The following COL6A5 variants were observed in gnomAD, a reference collection of about 807,000 sequenced individuals.
COL6A5 encodes collagen type VI alpha 5 chain, also known as collagen alpha-5(VI) chain.
In COL6A5, 48 loss-of-function variants were observed where a neutral mutation model predicts 65.6. That is an observed-to-expected ratio of 0.73 (90% CI 0.58 to 0.93). The LOEUF is 0.93. COL6A5 is among the 40% of genes least tolerant of loss of function. COL6A5 has a pLI of 0.00. For missense variants in COL6A5, 914 were observed against 928.3 expected, an observed-to-expected ratio of 0.98 and a Z score of 0.20; for synonymous variants, 291 against 322.8, an observed-to-expected ratio of 0.90 and a Z score of 1.05.
rs142870862 is a variant in COL6A5 at position 130,414,462 on chromosome 3, G to A, written c.4761+331G>A. Reference sequence around the variant, plus strand: ...ATTGGTTTTCCATAGCTGGGGTCCTGCATACACAGGCTCCCACAAAGGAAA... The same window carrying A: ...ATTGGTTTTCCATAGCTGGGGTCCTACATACACAGGCTCCCACAAAGGAAA... On this transcript the variant is annotated intron_variant and NMD_transcript_variant, in intron 22 of 41. Transcript: ENST00000312481. 2.7e-3 allele frequency among the ~76,000 whole-genome samples: 404 copies of A among 152,164 alleles called. 8 individuals are homozygous for A. Among genetic ancestry groups the A allele is most frequent in the East Asian group, 3.5e-3 (18 of 5,160 alleles).
At chr3:130,362,802 C>T (rs1935191126) in intron 1 of COL6A5, among the ~76,000 whole-genome samples, 2 of 152,116 alleles carry the variant, frequency 1.3e-5, no homozygotes, top group South Asian at 4.1e-4. Flanking sequence ...TGATAACTTC[C>T]CTGGCTCTGA....
chr3:130,461,073 A>G (rs954825154), intron 5 of COL6A5, among the ~76,000 whole-genome samples: 1 of 152,054 alleles, frequency 6.6e-6, no homozygotes, highest in African/African-American at 2.4e-5. Flanking sequence ...TATAACAAAT[A>G]TGTCTTTGGG....
intron 7 of COL6A5, among the ~76,000 whole-genome samples, chr3:130,473,187 G>C (rs764961294): frequency 8.4e-4 from 127 of 151,862 alleles, no homozygotes; most frequent in Middle Eastern, 3.2e-3. Flanking sequence ...GATTACAACT[G>C]AAAATTCTGG....
chr3:130,387,932 A>ATG (rs1189577456), intron 5 of COL6A5, among the ~76,000 whole-genome samples: 1 of 151,796 alleles, frequency 6.6e-6, no homozygotes, highest in African/African-American at 2.4e-5. Context: ...GTGTGTATAT[A>ATG]TATGTATATA....
chr3:130,405,239 G>A (rs1175212355), intron 13 of COL6A5, among the ~76,000 whole-genome samples: 1 of 152,162 alleles, frequency 6.6e-6, no homozygotes, highest in East Asian at 1.9e-4. Context: ...GACTCTCCCA[G>A]TATAGCATTA....
At chr3:130,462,427 C>T (rs1008883339) in intron 5 of COL6A5, among the ~76,000 whole-genome samples, 4 of 152,078 alleles carry the variant, frequency 2.6e-5, no homozygotes, top group African/African-American at 7.2e-5. Flanking sequence ...CGTGGAAGTC[C>T]TGGTTTGGAT....
chr3:130,376,699 T>C, exon 3 of COL6A5: 1 of 1,613,734 alleles, frequency 6.2e-7, no homozygotes, highest in East Asian at 2.2e-5. Context: ...GAGGAAAATC[T>C]GAAGGCCATG....
At chr3:130,439,282 G>A (rs1020494454) in intron 1 of COL6A5, among the ~76,000 whole-genome samples, 2 of 151,866 alleles carry the variant, frequency 1.3e-5, no homozygotes, top group African/African-American at 4.8e-5. Flanking sequence ...ATAATCTAGG[G>A]ATGATGATAC....
intron 5 of COL6A5, among the ~76,000 whole-genome samples, chr3:130,459,443 T>C (rs1257717817): frequency 6.6e-6 from 1 of 152,130 alleles, no homozygotes; most frequent in Non-Finnish European, 1.5e-5. Flanking sequence ...AGCTCTACCC[T>C]ACCCCACCCG....
intron 2 of COL6A5, 73 bp from the exon 35 acceptor site, chr3:130,440,093 A>G (rs914595769): frequency 1.4e-5 from 16 of 1,171,064 alleles, no homozygotes; most frequent in Non-Finnish European, 1.9e-5. Context: ...TCACTGAGTC[A>G]CTTGAAGATC....
intron 1 of COL6A5, among the ~76,000 whole-genome samples, chr3:130,351,684 T>C (rs925839706): frequency 6.6e-6 from 1 of 152,120 alleles, no homozygotes; most frequent in African/African-American, 2.4e-5. Context: ...TGTGGAGAAA[T>C]AGGAACACTT....
At chr3:130,385,916 T>G (rs1241746066) in intron 5 of COL6A5, among the ~76,000 whole-genome samples, 1 of 152,076 alleles carries the variant, frequency 6.6e-6, no homozygotes, top group Non-Finnish European at 1.5e-5. Context: ...TAAATGCATA[T>G]CAAGTATATA....
chr3:130,371,006 T>C (rs1935533628), intron 1 of COL6A5, among the ~76,000 whole-genome samples: 1 of 152,142 alleles, frequency 6.6e-6, no homozygotes, highest in South Asian at 2.1e-4. Flanking sequence ...AGCTTAATCT[T>C]ACTCTCTAAA....
intron 7 of COL6A5, chr3:130,476,919 C>T (rs146493897): frequency 1.4e-6 from 1 of 699,600 alleles, no homozygotes; most frequent in East Asian, 2.7e-5. Flanking sequence ...TATATTTGGC[C>T]AGCCCTGCTC....
intron 1 of COL6A5, among the ~76,000 whole-genome samples, chr3:130,353,712 G>A (rs535772974): frequency 7.8e-4 from 64 of 81,748 alleles, no homozygotes; most frequent in Non-Finnish European, 1.3e-3. Context: ...AAAGGGCTAA[G>A]TAAAATTTCT....
At chr3:130,419,718 A>T (rs1937469562) in intron 25 of COL6A5, among the ~76,000 whole-genome samples, 1 of 152,184 alleles carries the variant, frequency 6.6e-6, no homozygotes, top group Non-Finnish European at 1.5e-5. Context: ...AAAGAAAGTC[A>T]AAATCATAGA....
At chr3:130,385,792 C>T (rs1366433853) in intron 5 of COL6A5, among the ~76,000 whole-genome samples, 1 of 152,026 alleles carries the variant, frequency 6.6e-6, no homozygotes, top group Non-Finnish European at 1.5e-5. Context: ...TAGGGTTTGA[C>T]TCACATACTT....
chr3:130,428,192 C>T (rs549064918), upstream of COL6A5, among the ~76,000 whole-genome samples: 4 of 152,216 alleles, frequency 2.6e-5, no homozygotes, highest in Admixed American at 2.6e-4. Context: ...GTTCTATAAC[C>T]ACACAGGGCA....
intron 28 of COL6A5, among the ~76,000 whole-genome samples, 151 bp downstream of exon 28, chr3:130,422,933 C>G (rs1156541021): frequency 6.6e-6 from 1 of 152,042 alleles, no homozygotes; most frequent in East Asian, 1.9e-4. Context: ...TTTTCAGGGT[C>G]TCTATTTCAG....
Sources: allele counts gnomAD v4.1 joint callset (sites outside exome capture counted in the v4.1 genomes callset), GRCh38; gene constraint gnomAD v4.1.1; transcripts MANE v1.5; gene names NCBI Gene and HGNC (gene_info 2026-07-23, HGNC 2026-07-21).